Variants in TACR1 observed in about 807,000 individuals in gnomAD.
TACR1 encodes substance-P receptor.
Under a neutral mutation model 35.8 loss-of-function variants are expected in TACR1, and 25 were observed. The observed-to-expected ratio is 0.70, with a 90% CI of 0.51 to 0.98. TACR1 has a LOEUF of 0.98. Ranked by LOEUF, TACR1 falls within the 50% of genes least tolerant of loss-of-function variation. The probability of loss-of-function intolerance (pLI) is 0.00; values close to 1 mark genes in which losing one functional copy is unlikely to be tolerated. For synonymous variants in TACR1, 195 were observed against 206.7 expected, an observed-to-expected ratio of 0.94 and a Z score of 0.48; for missense variants, 478 against 522.9, an observed-to-expected ratio of 0.91 and a Z score of 0.84.
chr2:75,060,023 G>A (rs1672641496), intron 2 of TACR1, among the ~76,000 whole-genome samples: 1 of 152,240 alleles, frequency 6.6e-6, no homozygotes. Context: ...TCTCTTGCAG[G>A]CAGGCAAAAA....
At chr2:75,123,613 G>A (rs1472499872) in intron 1 of TACR1, among the ~76,000 whole-genome samples, 1 of 152,138 alleles carries the variant, frequency 6.6e-6, no homozygotes, top group African/African-American at 2.4e-5. Context: ...AAGCCAGAGA[G>A]AATAAAAAAG....
intron 2 of TACR1, among the ~76,000 whole-genome samples, chr2:75,094,859 A>T (rs12471759): frequency 0.046 from 5,223 of 112,996 alleles, 154 homozygotes; most frequent in Middle Eastern, 0.068. Flanking sequence ...ATATATATAT[A>T]TTTTTTTTTT....
At chr2:75,146,605 A>G (rs1252989529) in intron 1 of TACR1, among the ~76,000 whole-genome samples, 1 of 152,202 alleles carries the variant, frequency 6.6e-6, no homozygotes, top group East Asian at 1.9e-4. Flanking sequence ...GGGGGTACCA[A>G]AGTGGAGATG....
At chr2:75,121,009 C>A (rs1240081079) in intron 1 of TACR1, among the ~76,000 whole-genome samples, 1 of 152,190 alleles carries the variant, frequency 6.6e-6, no homozygotes, top group Non-Finnish European at 1.5e-5. Flanking sequence ...TATCTAGCAG[C>A]ATTCAAGGAG....
At chr2:75,170,697 A>G (rs1675256940) in intron 1 of TACR1, among the ~76,000 whole-genome samples, 1 of 152,154 alleles carries the variant, frequency 6.6e-6, no homozygotes, top group Non-Finnish European at 1.5e-5. Context: ...GAGATGAGGA[A>G]CTTGCTGGGA....
At chr2:75,060,585 G>C (rs761068116) in intron 2 of TACR1, among the ~76,000 whole-genome samples, 1 of 152,200 alleles carries the variant, frequency 6.6e-6, no homozygotes, top group Non-Finnish European at 1.5e-5. Flanking sequence ...GGCTGGAAAG[G>C]AAGACAGAAG....
At chr2:75,080,913 A>G (rs1023975084) in intron 2 of TACR1, among the ~76,000 whole-genome samples, 4 of 152,240 alleles carry the variant, frequency 2.6e-5, no homozygotes, top group Non-Finnish European at 5.9e-5. Context: ...GATAATTGGA[A>G]GGAAGGAAGC....
intron 2 of TACR1, among the ~76,000 whole-genome samples, chr2:75,094,859 A>ATTTTTTTTTT (rs58283121): frequency 2.7e-5 from 3 of 113,130 alleles, no homozygotes; most frequent in African/African-American, 1.4e-4. Context: ...ATATATATAT[A>ATTTTTTTTTT]TTTTTTTTTT....
At chr2:75,162,842 T>C (rs1675044385) in intron 1 of TACR1, among the ~76,000 whole-genome samples, 1 of 152,246 alleles carries the variant, frequency 6.6e-6, no homozygotes, top group Admixed American at 6.5e-5. Context: ...TAAAATTCCA[T>C]GCTAGAATCC....
chr2:75,132,068 T>A (rs992693533), intron 1 of TACR1, among the ~76,000 whole-genome samples: 2 of 152,214 alleles, frequency 1.3e-5, no homozygotes. Flanking sequence ...GTGCACAATT[T>A]AATTTGGAAA....
chr2:75,154,389 T>A, intron 1 of TACR1: 1 of 128,740 alleles, frequency 7.8e-6, no homozygotes. Context: ...CCCAGGGAGA[T>A]AATCAGCCAA....
chr2:75,187,653 C>T (rs1288261543), intron 1 of TACR1: 4 of 152,154 alleles, frequency 2.6e-5, no homozygotes, highest in African/African-American at 9.7e-5. Context: ...ATTAGCTGCT[C>T]TTCTCTTGGT....
At chr2:75,157,784 C>T (rs1052106242) in intron 1 of TACR1, among the ~76,000 whole-genome samples, 3 of 151,656 alleles carry the variant, frequency 2.0e-5, no homozygotes, top group Non-Finnish European at 4.4e-5. Flanking sequence ...TTCAGTTCTG[C>T]CTACTGGCCA....
At chr2:75,188,089 G>A (rs1057219252) in intron 1 of TACR1, 10 of 152,250 alleles carry the variant, frequency 6.6e-5, no homozygotes, top group Admixed American at 3.9e-4. Context: ...AAGTTGTTGA[G>A]CTAACTCGTA....
chr2:75,187,932 A>G (rs1675746695), intron 1 of TACR1: 1 of 152,240 alleles, frequency 6.6e-6, no homozygotes, highest in African/African-American at 2.4e-5. Flanking sequence ...AATCTTTAAC[A>G]CATTAACTTC....
intron 1 of TACR1, among the ~76,000 whole-genome samples, chr2:75,122,048 G>T (rs180709873): frequency 6.6e-6 from 1 of 152,146 alleles, no homozygotes; most frequent in Non-Finnish European, 1.5e-5. Context: ...GACACCTGCC[G>T]CACATAGAGC....
intron 2 of TACR1, among the ~76,000 whole-genome samples, chr2:75,093,879 G>A (rs1200029798): frequency 6.6e-6 from 1 of 152,044 alleles, no homozygotes; most frequent in African/African-American, 2.4e-5. Context: ...GAATCCTGGG[G>A]TATTAGAATT....
chr2:75,076,433 AC>A (rs933510990), intron 2 of TACR1, among the ~76,000 whole-genome samples: 12 of 152,236 alleles, frequency 7.9e-5, no homozygotes, highest in African/African-American at 2.6e-4. Context: ...AAACTCATAG[AC>A]CCAGCTTCTT....
intron 1 of TACR1, among the ~76,000 whole-genome samples, chr2:75,181,472 T>C (rs1370015882): frequency 6.6e-6 from 1 of 152,232 alleles, no homozygotes; most frequent in African/African-American, 2.4e-5. Context: ...CCATATAAAA[T>C]GAGATATTAG....
Sources: gnomAD v4.1 joint callset for allele counts (sites outside exome capture counted in the v4.1 genomes callset) on GRCh38, gnomAD v4.1.1 for gene constraint, MANE v1.5 for transcripts, NCBI Gene and HGNC (gene_info 2026-07-23, HGNC 2026-07-21) for gene names.